Variants in ZFAND4 observed in about 807,000 individuals in gnomAD.
The protein encoded by ZFAND4 is AN1-type zinc finger protein 4.
Under a neutral mutation model 64.4 loss-of-function variants are expected in ZFAND4, and 43 were observed. The ratio of observed to expected loss-of-function variants is 0.67; its 90% confidence interval spans 0.52 to 0.86. The LOEUF (loss-of-function observed/expected upper bound fraction) is 0.86, where lower values mean the gene tolerates loss of function less well. Among genes scored for constraint, ZFAND4 ranks in the 40% least tolerant of loss-of-function variants. The pLI is 0.00. For missense variants in ZFAND4, 929 were observed against 859.8 expected (o/e 1.08, Z -1.01); for synonymous variants, 296 against 305.7 (o/e 0.97, Z 0.33).
At chr10:45,670,136 C>T (rs1311536523) in intron 1 of ZFAND4, among the ~76,000 whole-genome samples, 1 of 152,104 alleles carries the variant, frequency 6.6e-6, no homozygotes, top group African/African-American at 2.4e-5. Context: ...AAAACCCCAT[C>T]GTCCCAACCC....
chr10:45,645,350 C>G (rs1379920627), intron 5 of ZFAND4, among the ~76,000 whole-genome samples: 1 of 152,118 alleles, frequency 6.6e-6, no homozygotes, highest in Non-Finnish European at 1.5e-5. Flanking sequence ...TGAGTCTATC[C>G]TGTGTTATTA....
At chr10:45,653,270 C>T (rs1170957236) in intron 2 of ZFAND4, among the ~76,000 whole-genome samples, 1 of 152,140 alleles carries the variant, frequency 6.6e-6, no homozygotes, top group Non-Finnish European at 1.5e-5. Flanking sequence ...TAGAAAAGAA[C>T]AGCATGTTGC....
intron 2 of ZFAND4, among the ~76,000 whole-genome samples, chr10:45,660,018 T>G (rs780484188): frequency 2.6e-5 from 4 of 151,662 alleles, no homozygotes; most frequent in African/African-American, 9.7e-5. Context: ...TCTACTAAAA[T>G]ACAAAAAATT....
At chr10:45,622,155 A>T (rs768158023) in intron 8 of ZFAND4, among the ~76,000 whole-genome samples, 2 of 152,246 alleles carry the variant, frequency 1.3e-5, no homozygotes, top group African/African-American at 2.4e-5. Flanking sequence ...CATAAAACAG[A>T]CACATAGACC....
In ZFAND4 at chr10:45,624,557, TG is replaced by T. The variant is rs1589250740; in HGVS notation, c.1927+25del. 4 of 1,609,862 alleles carry T rather than the reference TG, an allele frequency of 2.5e-6. No homozygotes were observed. In the East Asian group the frequency reaches 8.9e-5, roughly 36 times the overall value. On this transcript the variant is annotated intron_variant, in intron 8 of 9. Transcript: ENST00000344646. ...AATTATGTAATTATCAGCCTTGTAT[TG>T]TTTTCAAAATTATCTGTAGCTTACC...
At chr10:45,639,773 G>A in intron 6 of ZFAND4, 43 bp downstream of exon 6, 3 of 1,563,706 alleles carry the variant, frequency 1.9e-6, no homozygotes, top group Non-Finnish European at 2.6e-6. Flanking sequence ...TGCTCTGCAG[G>A]GGTAAGCTAG....
chr10:45,632,623 A>G (rs901241827), intron 6 of ZFAND4, among the ~76,000 whole-genome samples: 1 of 152,182 alleles, frequency 6.6e-6, no homozygotes, highest in Non-Finnish European at 1.5e-5. Flanking sequence ...GATAAATAGT[A>G]TTAATGTAAA....
chr10:45,622,334 T>A (rs76974099), intron 8 of ZFAND4, among the ~76,000 whole-genome samples: 9,099 of 152,260 alleles, frequency 0.06, 399 homozygotes, highest in African/African-American at 0.12. Context: ...TACACTCTAT[T>A]TTAACTCAAA....
In ZFAND4 at chr10:45,626,452, T is replaced by A. The variant is rs368318506; in HGVS notation, c.1371A>T (p.Ser457=). ...GVLNGESVET[S]VLNYRELSPH... ...GACTTAATTCCCGGTAGTTAAGAAC[T>A]GAAGTCTCTACTGATTCCCCATTCA... The change falls in exon 7 of 10, where the codon TCA becomes TCT. Residue 457 remains serine, a synonymous_variant. Coordinates refer to ENST00000344646, the MANE Select transcript of ZFAND4 (RefSeq NM_174890.4). 1.3e-5 allele frequency: 21 copies of A among 1,613,618 alleles called. No homozygotes were observed. In the African/African-American group the frequency reaches 2.8e-4, roughly 22 times the overall value.
chr10:45,624,794 C>T (rs948921394), intron 7 of ZFAND4, among the ~76,000 whole-genome samples, 157 bp from the exon 8 acceptor site: 5 of 152,160 alleles, frequency 3.3e-5, no homozygotes, highest in African/African-American at 1.2e-4. Flanking sequence ...AACTCAGAAC[C>T]TGATTCCACA....
At chr10:45,620,662 C>T (rs928949427) in intron 8 of ZFAND4, 9 of 152,106 alleles carry the variant, frequency 5.9e-5, no homozygotes, top group African/African-American at 2.2e-4. Flanking sequence ...CATATTGATT[C>T]CCCACTATAA....
intron 2 of ZFAND4, among the ~76,000 whole-genome samples, chr10:45,658,429 C>T (rs1157684192): frequency 6.6e-6 from 1 of 152,168 alleles, no homozygotes; most frequent in Non-Finnish European, 1.5e-5. Context: ...CCTCCAAAAT[C>T]GTGTAACTTT....
At chr10:45,632,117 G>A (rs1365611869) in intron 6 of ZFAND4, among the ~76,000 whole-genome samples, 1 of 152,178 alleles carries the variant, frequency 6.6e-6, no homozygotes, top group Non-Finnish European at 1.5e-5. Context: ...CACTTTGGGA[G>A]GCCAAGGTGG....
chr10:45,628,124 C>G (rs192582704), intron 6 of ZFAND4, among the ~76,000 whole-genome samples: 1 of 151,940 alleles, frequency 6.6e-6, no homozygotes, highest in Non-Finnish European at 1.5e-5. Flanking sequence ...AAATCTAGCT[C>G]TTAAAAATAA....
chr10:45,663,643 A>G lies in ZFAND4; in HGVS notation c.83T>C (p.Met28Thr). Residue 28 changes from methionine (M) to threonine (T), a missense_variant, in exon 2 of 10, where the codon ATG (methionine) becomes ACG (threonine). Met to Thr is a moderately conservative substitution (Grantham distance 81). Transcript: ENST00000344646. ...FYYRLHFCDTMELFIETLTGT... is the reference protein window; with the variant it reads ...FYYRLHFCDTTELFIETLTGT... ...AGTTAATGTTTCAATGAAGAGCTCC[A>G]TGGTATCACAGAAATGAAGTCTGTA... is the stretch of plus-strand genomic sequence containing the variant. The G allele has an allele frequency of 6.2e-7, 1 of 1,611,870 alleles. No individual in the cohort carries two copies. The highest frequency in any genetic ancestry group is 2.2e-5 in the East Asian group (1 of 44,736).
At chr10:45,630,951 A>T (rs1278088530) in intron 6 of ZFAND4, among the ~76,000 whole-genome samples, 1 of 149,928 alleles carries the variant, frequency 6.7e-6, no homozygotes, top group African/African-American at 2.5e-5. Context: ...ACACTGCAAG[A>T]CCCTGTCTTT....
At chr10:45,624,727 A>C in intron 7 of ZFAND4, 90 bp from the exon 8 acceptor site, 1 of 1,093,036 alleles carries the variant, frequency 9.1e-7, no homozygotes, top group Non-Finnish European at 1.3e-6. Context: ...TTTATCACTA[A>C]GATGCTGTTG....
intron 1 of ZFAND4, among the ~76,000 whole-genome samples, chr10:45,665,084 T>A (rs917658809): frequency 6.6e-6 from 1 of 152,168 alleles, no homozygotes; most frequent in African/African-American, 2.4e-5. Flanking sequence ...GCCCAACAAA[T>A]AGAAGTAGTA....
At chr10:45,654,449 T>A (rs2047968381) in intron 2 of ZFAND4, among the ~76,000 whole-genome samples, 1 of 152,002 alleles carries the variant, frequency 6.6e-6, no homozygotes, top group African/African-American at 2.4e-5. Flanking sequence ...TGAAACCCCG[T>A]CTCTACTAAA....
Sources: gnomAD v4.1 joint callset for allele counts (sites outside exome capture counted in the v4.1 genomes callset) on GRCh38, gnomAD v4.1.1 for gene constraint, MANE v1.5 for transcripts, NCBI Gene and HGNC (gene_info 2026-07-23, HGNC 2026-07-21) for gene names.